The following RPS6KC1 variants were observed in gnomAD, a reference collection of about 807,000 sequenced individuals.
RPS6KC1 encodes the protein ribosomal protein S6 kinase C1.
RPS6KC1 carries 54 observed loss-of-function variants against 103.8 expected under a neutral mutation model. That is an observed-to-expected ratio of 0.52 (90% CI 0.42 to 0.65). The LOEUF is 0.65. Among genes scored for constraint, RPS6KC1 ranks in the 30% least tolerant of loss-of-function variants. The pLI is 0.00. For synonymous variants in RPS6KC1, 439 were observed against 438.7 expected (o/e 1.00, Z -0.01); for missense variants, 1,151 against 1,253.8 (o/e 0.92, Z 1.24).
At chr1:213,141,817 T>A (rs1291659759) in intron 6 of RPS6KC1, among the ~76,000 whole-genome samples, 1 of 151,986 alleles carries the variant, frequency 6.6e-6, no homozygotes, top group Non-Finnish European at 1.5e-5. Flanking sequence ...TTCTAGTATG[T>A]CGTATCTTTT....
the RPS6KC1 span, among the ~76,000 whole-genome samples, chr1:213,616,846 G>A: frequency 1.3e-5 from 2 of 152,290 alleles, no homozygotes; most frequent in African/African-American, 4.8e-5. Context: ...CCCTGACCCA[G>A]AAGGGCAGTT....
At chr1:213,717,199 A>G in the RPS6KC1 span, among the ~76,000 whole-genome samples, 1 of 152,230 alleles carries the variant, frequency 6.6e-6, no homozygotes, top group Non-Finnish European at 1.5e-5. Context: ...CCCTCAAGGA[A>G]CTTACAGTCC....
the RPS6KC1 span, among the ~76,000 whole-genome samples, chr1:213,338,939 G>A: frequency 1.3e-5 from 2 of 152,008 alleles, no homozygotes; most frequent in African/African-American, 2.4e-5. Context: ...TGCTTCCCAC[G>A]CTGAACAGAG....
chr1:213,413,916 T>G, the RPS6KC1 span, among the ~76,000 whole-genome samples: 4 of 152,148 alleles, frequency 2.6e-5, no homozygotes, highest in Non-Finnish European at 4.4e-5. Flanking sequence ...AGTGAGATAC[T>G]TAGGAGACCA....
the RPS6KC1 span, among the ~76,000 whole-genome samples, chr1:213,300,007 G>A: frequency 1.3e-5 from 2 of 152,090 alleles, no homozygotes; most frequent in African/African-American, 4.8e-5. Context: ...GGGTTTCACC[G>A]TGTTCGCCAG....
chr1:213,589,745 C>A, the RPS6KC1 span, among the ~76,000 whole-genome samples: 15 of 152,050 alleles, frequency 9.9e-5, no homozygotes, highest in Non-Finnish European at 1.9e-4. Flanking sequence ...CATTGTACCA[C>A]CCATTAACCT....
At chr1:213,062,087 G>C (rs1327107388) in intron 1 of RPS6KC1, among the ~76,000 whole-genome samples, 2 of 151,926 alleles carry the variant, frequency 1.3e-5, no homozygotes, top group East Asian at 3.9e-4. Flanking sequence ...CTATAAGTTT[G>C]AATAATTTTT....
At chr1:213,755,022 A>G in the RPS6KC1 span, among the ~76,000 whole-genome samples, 2 of 152,230 alleles carry the variant, frequency 1.3e-5, no homozygotes, top group African/African-American at 4.8e-5. Flanking sequence ...GTTAAGTGAT[A>G]GAAAAATATT....
chr1:213,636,740 G>A, the RPS6KC1 span, among the ~76,000 whole-genome samples: 8 of 152,126 alleles, frequency 5.3e-5, no homozygotes, highest in East Asian at 1.2e-3. Context: ...AAAAGCAATG[G>A]CAACAAAAGC....
At chr1:213,211,450 C>T (rs1177935869) in intron 8 of RPS6KC1, among the ~76,000 whole-genome samples, 1 of 152,210 alleles carries the variant, frequency 6.6e-6, no homozygotes, top group Non-Finnish European at 1.5e-5. Flanking sequence ...GTTGTTTCTT[C>T]TAGCTCTTTA....
At chr1:213,178,801 G>T (rs538673489) in intron 8 of RPS6KC1, among the ~76,000 whole-genome samples, 1 of 151,774 alleles carries the variant, frequency 6.6e-6, no homozygotes, top group Admixed American at 6.6e-5. Flanking sequence ...TGCAGCCTCC[G>T]CCTCGTGGGT....
chr1:213,381,974 G>A, the RPS6KC1 span, among the ~76,000 whole-genome samples: 3 of 152,264 alleles, frequency 2.0e-5, no homozygotes, highest in South Asian at 4.1e-4. Flanking sequence ...CAGTCAGCTC[G>A]ACTCCAAGGA....
At chr1:213,121,984 A>G (rs1346583913) in intron 5 of RPS6KC1, among the ~76,000 whole-genome samples, 5 of 152,176 alleles carry the variant, frequency 3.3e-5, no homozygotes, top group African/African-American at 9.7e-5. Flanking sequence ...TAACTATTGT[A>G]GAGACACGAA....
At chr1:213,663,380 G>T in the RPS6KC1 span, among the ~76,000 whole-genome samples, 5 of 152,298 alleles carry the variant, frequency 3.3e-5, no homozygotes, top group South Asian at 1.0e-3. Context: ...ATTACCTCAA[G>T]AAAGAAGTGT....
the RPS6KC1 span, among the ~76,000 whole-genome samples, chr1:213,384,893 C>T: frequency 6.6e-6 from 1 of 152,176 alleles, no homozygotes; most frequent in Admixed American, 6.5e-5. Context: ...CTGAAAGTCA[C>T]ACAGTTAGTG....
chr1:213,567,050 A>T, the RPS6KC1 span, among the ~76,000 whole-genome samples: 1 of 151,966 alleles, frequency 6.6e-6, no homozygotes, highest in Admixed American at 6.6e-5. Context: ...CTTCAGAGAA[A>T]TTTTTTCATT....
chr1:213,527,522 A>G, the RPS6KC1 span, among the ~76,000 whole-genome samples: 5 of 152,136 alleles, frequency 3.3e-5, no homozygotes, highest in Non-Finnish European at 7.4e-5. Flanking sequence ...TCCTACAACC[A>G]TTGGGTGGGT....
the RPS6KC1 span, among the ~76,000 whole-genome samples, chr1:213,666,186 C>G: frequency 3.3e-5 from 5 of 152,114 alleles, no homozygotes; most frequent in African/African-American, 1.2e-4. Context: ...CCAGGGTGCT[C>G]TTAGGTACTT....
At chr1:213,800,644 CATGA>C in the RPS6KC1 span, among the ~76,000 whole-genome samples, 1 of 152,194 alleles carries the variant, frequency 6.6e-6, no homozygotes, top group Non-Finnish European at 1.5e-5. Flanking sequence ...TTATGACTAA[CATGA>C]ATGAAGAATA....
Sources: gnomAD v4.1 joint callset for allele counts (sites outside exome capture counted in the v4.1 genomes callset) on GRCh38, gnomAD v4.1.1 for gene constraint, MANE v1.5 for transcripts, NCBI Gene and HGNC (gene_info 2026-07-23, HGNC 2026-07-21) for gene names.